ALDH18A1: variants seen among roughly 807,000 people sequenced by gnomAD.
The protein encoded by ALDH18A1 is aldehyde dehydrogenase 18 family member A1.
Under a neutral mutation model 88.8 loss-of-function variants are expected in ALDH18A1, and 44 were observed. That is an observed-to-expected ratio of 0.50 (90% CI 0.39 to 0.64). The LOEUF is 0.64. Ranked by LOEUF, ALDH18A1 falls within the 30% of genes least tolerant of loss-of-function variation. ALDH18A1 has a pLI of 0.00. For missense variants in ALDH18A1, 782 were observed against 1,009.5 expected, an observed-to-expected ratio of 0.77 and a Z score of 3.05; for synonymous variants, 331 against 372.1, an observed-to-expected ratio of 0.89 and a Z score of 1.27.
rs55659918 is a variant in ALDH18A1 at position 95,609,769 on chromosome 10, A to ATTTTTTTTTTTTTTTTTT, written c.2206+427_2206+428insAAAAAAAAAAAAAAAAAA. Among the ~76,000 whole-genome samples, 29 of 114,214 alleles carry ATTTTTTTTTTTTTTTTTT rather than the reference A, an allele frequency of 2.5e-4. 5 individuals carry two copies. The highest frequency in any genetic ancestry group is 3.1e-4 in the African/African-American group (9 of 29,104). 74.9% of individuals were successfully genotyped at this position (114,214 alleles called of 152,430 possible). Reference sequence around the variant, plus strand: ...CCTACCTTGCCAGAAGTCTGTCTCTATTTTTTTTTTTTTTTTGAGATGGTG... The same window carrying ATTTTTTTTTTTTTTTTTT: ...CCTACCTTGCCAGAAGTCTGTCTCTATTTTTTTTTTTTTTTTTTTTTTTTTTTTTTTTTTGAGATGGTG... On this transcript the variant is annotated intron_variant, in intron 17 of 17. Coordinates refer to ENST00000371224, the MANE Select transcript of ALDH18A1 (RefSeq NM_002860.4).
chr10:95,606,999 A>G (rs2097824022), intron 17 of ALDH18A1, 56 bp from the exon 18 acceptor site: 4 of 1,575,988 alleles, frequency 2.5e-6, no homozygotes, highest in South Asian at 1.1e-5. Context: ...CTTCCTGTCC[A>G]TGCCCCAGAC....
At chr10:95,612,007 G>A (rs374438106) in intron 15 of ALDH18A1, among the ~76,000 whole-genome samples, 7 of 151,998 alleles carry the variant, frequency 4.6e-5, no homozygotes, top group Admixed American at 1.3e-4. Context: ...TGTGCAAGGC[G>A]TTTAGTGGGT....
At position 95,646,877 on chromosome 10, in the gene ALDH18A1, C is replaced by T. The variant is rs114275536; in HGVS notation, c.89-3671G>A. ...AGGGCCACGGATTATACTCTTACCACTCTGACAGAGGAGAACCCTTTACTT... is the reference window on the plus strand; with the variant it reads ...AGGGCCACGGATTATACTCTTACCATTCTGACAGAGGAGAACCCTTTACTT... On this transcript the variant is annotated intron_variant, in intron 2 of 17. Transcript: ENST00000371224. 3.3e-3 allele frequency among the ~76,000 whole-genome samples: 504 copies of T among 152,234 alleles called. 2 individuals carry two copies. The highest frequency in any genetic ancestry group is 0.011 in the African/African-American group (477 of 41,518).
chr10:95,619,186 C>G (rs536403837), intron 12 of ALDH18A1, among the ~76,000 whole-genome samples: 2 of 152,240 alleles, frequency 1.3e-5, no homozygotes, highest in Admixed American at 1.3e-4. Context: ...CTCCCATTCA[C>G]AATTGCTACA....
chr10:95,615,769 G>T (rs1376413175), intron 13 of ALDH18A1, among the ~76,000 whole-genome samples: 2 of 151,800 alleles, frequency 1.3e-5, no homozygotes, highest in Non-Finnish European at 2.9e-5. Context: ...ATGAGCCAAA[G>T]AAAAAAAAGG....
rs1403506372 is a variant in ALDH18A1 at position 95,606,458 on chromosome 10, TG to T, written c.*303del. 7 of 1,235,526 alleles carry T rather than the reference TG, an allele frequency of 5.7e-6. No individual in the cohort carries two copies. The African/African-American group carries it at 1.1e-4, about 19-fold the overall frequency. The allele number at this position is 1,235,526 out of a possible 1,614,324, so 76.5% of individuals were successfully genotyped here. On this transcript the variant is annotated 3_prime_UTR_variant, in exon 18 of 18. Coordinates refer to ENST00000371224, the MANE Select transcript of ALDH18A1 (RefSeq NM_002860.4). ...TCACTGAGGTGACACAAAGCAGCCA[TG>T]GGTTTTCCTCGCCTTTTTTATGGGG...
At chr10:95,651,572 G>A (rs900826251) in intron 2 of ALDH18A1, among the ~76,000 whole-genome samples, 1 of 152,224 alleles carries the variant, frequency 6.6e-6, no homozygotes, top group Non-Finnish European at 1.5e-5. Flanking sequence ...GCCTCAGGAA[G>A]CTTATAATCA....
At chr10:95,622,819 G>T (rs371827408) in intron 11 of ALDH18A1, among the ~76,000 whole-genome samples, 9 of 152,138 alleles carry the variant, frequency 5.9e-5, no homozygotes, top group East Asian at 3.9e-4. Context: ...TTACAGGCAT[G>T]AGACACCGCA....
chr10:95,610,646 C>T lies in ALDH18A1; in HGVS notation c.2111-354G>A, dbSNP rs183185211. On this transcript the variant is annotated intron_variant, in intron 16 of 17. Coordinates refer to ENST00000371224, the MANE Select transcript of ALDH18A1 (RefSeq NM_002860.4). ...TGCAGGTGTACAAAACTCTCTGTGT[C>T]TGGGTCAAAAGGGACTTACAACATG... Among the ~76,000 whole-genome samples the T allele has an allele frequency of 3.5e-4, 54 of 152,276 alleles. No individual in the cohort carries two copies. In the East Asian group the frequency reaches 8.9e-3, roughly 25 times the overall value.
intron 7 of ALDH18A1, among the ~76,000 whole-genome samples, chr10:95,631,080 G>A (rs1287459899): frequency 6.6e-6 from 1 of 152,134 alleles, no homozygotes; most frequent in African/African-American, 2.4e-5. Context: ...AGTGTTAACA[G>A]GGGACTTTTG....
intron 13 of ALDH18A1, among the ~76,000 whole-genome samples, chr10:95,615,640 C>A (rs1235707554): frequency 6.6e-6 from 1 of 152,190 alleles, no homozygotes; most frequent in African/African-American, 2.4e-5. Context: ...AAAATCTGCG[C>A]TCTTTCCAAC....
intron 14 of ALDH18A1, 37 bp from the exon 15 acceptor site, chr10:95,613,900 A>G (rs752173917): frequency 3.1e-6 from 5 of 1,614,174 alleles, no homozygotes; most frequent in Non-Finnish European, 4.2e-6. Context: ...TTCCATTGAC[A>G]TGATCCAGAG....
intron 12 of ALDH18A1, among the ~76,000 whole-genome samples, chr10:95,619,504 A>C (rs1322553798): frequency 2.0e-5 from 3 of 152,328 alleles, no homozygotes; most frequent in Middle Eastern, 6.8e-3. Flanking sequence ...AAAAGAACAA[A>C]GCTGGAGGCA....
At chr10:95,607,576 C>T (rs935647333) in intron 17 of ALDH18A1, among the ~76,000 whole-genome samples, 4 of 152,150 alleles carry the variant, frequency 2.6e-5, no homozygotes, top group Non-Finnish European at 5.9e-5. Context: ...ATGTACTAGG[C>T]ACTGTGTTGA....
At chr10:95,612,146 G>C (rs10882641) in intron 15 of ALDH18A1, among the ~76,000 whole-genome samples, 58,732 of 152,004 alleles carry the variant, frequency 0.39, 12,937 homozygotes, top group Admixed American at 0.5. Flanking sequence ...CATATACATT[G>C]CTACTCCCTG....
chr10:95,610,562 C>T (rs2097832112), intron 16 of ALDH18A1, among the ~76,000 whole-genome samples: 1 of 152,236 alleles, frequency 6.6e-6, no homozygotes, highest in Non-Finnish European at 1.5e-5. Context: ...TTATGGGCTC[C>T]AGAGCCAGAC....
chr10:95,625,628 A>G (rs2097859274), intron 10 of ALDH18A1, among the ~76,000 whole-genome samples, 173 bp from the exon 11 acceptor site: 1 of 150,636 alleles, frequency 6.6e-6, no homozygotes, highest in Non-Finnish European at 1.5e-5. Context: ...TGCTCCCCTT[A>G]TTTCTTCCTT....
chr10:95,633,562 C>T lies in ALDH18A1; in HGVS notation c.646G>A (p.Val216Ile). The change falls in exon 6 of 18, where the codon GTC becomes ATC. Residue 216 changes from valine (V) to isoleucine (I), a missense_variant. Val to Ile is a conservative substitution (Grantham distance 29). This residue lies in a region of ALDH18A1 where 132 missense variants were observed against 255.5 expected (regional missense o/e 0.52). Coordinates refer to ENST00000371224, the MANE Select transcript of ALDH18A1 (RefSeq NM_002860.4). Reference sequence around the variant, plus strand: ...GCATCATTTGTGTTGACAATGGGGACAATGTTCATTCTAAGGAGTTCATGA... The same window carrying T: ...GCATCATTTGTGTTGACAATGGGGATAATGTTCATTCTAAGGAGTTCATGA... ...TLHELLRMNI[V>I]PIVNTNDAVV... 6.2e-7 allele frequency: 1 copy of T among 1,614,114 alleles called. No homozygotes were observed.
intron 2 of ALDH18A1, among the ~76,000 whole-genome samples, chr10:95,652,812 C>T (rs2097912365): frequency 1.3e-5 from 2 of 152,072 alleles, no homozygotes; most frequent in Admixed American, 1.3e-4. Context: ...CAGGAGACTA[C>T]CTCTTTGCCT....
Sources: gnomAD v4.1 joint callset for allele counts (sites outside exome capture counted in the v4.1 genomes callset) on GRCh38, gnomAD v4.1.1 for gene constraint, gnomAD v4.1.1 regional missense constraint, MANE v1.5 for transcripts, NCBI Gene and HGNC (gene_info 2026-07-23, HGNC 2026-07-21) for gene names.